CPNE4: variants seen among roughly 807,000 people sequenced by gnomAD.
The protein encoded by CPNE4 is copine 4.
Under a neutral mutation model 67.9 loss-of-function variants are expected in CPNE4, and 25 were observed. That is an observed-to-expected ratio of 0.37 (90% CI 0.27 to 0.51). The LOEUF (loss-of-function observed/expected upper bound fraction) is 0.51. Ranked by LOEUF, CPNE4 falls within the 20% of genes least tolerant of loss-of-function variation. CPNE4 has a pLI of 0.93. For synonymous variants in CPNE4, 242 were observed against 244.9 expected (o/e 0.99, Z 0.11); for missense variants, 464 against 690.8 (o/e 0.67, Z 3.68).
intron 2 of CPNE4, among the ~76,000 whole-genome samples, chr3:131,872,281 C>T (rs1241794879): frequency 6.6e-6 from 1 of 152,040 alleles, no homozygotes; most frequent in Non-Finnish European, 1.5e-5. Context: ...TGGAGACTGG[C>T]AGTTCACAAG....
chr3:132,033,142 C>T (rs894549538), intron 1 of CPNE4, among the ~76,000 whole-genome samples: 1 of 152,148 alleles, frequency 6.6e-6, no homozygotes, highest in African/African-American at 2.4e-5. Context: ...TGTGTGCGCG[C>T]GGGGGCGCGC....
intron 1 of CPNE4, among the ~76,000 whole-genome samples, chr3:131,923,704 CAAA>C (rs3041574): frequency 5.1e-5 from 2 of 39,286 alleles, no homozygotes; most frequent in East Asian, 1.1e-3. Context: ...GACTCCGTCT[CAAA>C]AAAAAAAAAA....
intron 1 of CPNE4, among the ~76,000 whole-genome samples, chr3:131,927,138 A>G (rs1326976374): frequency 6.6e-6 from 1 of 152,168 alleles, no homozygotes; most frequent in Non-Finnish European, 1.5e-5. Context: ...GCAAATAGTC[A>G]TCATCATTCC....
At chr3:131,780,395 C>G (rs1291371236) in intron 2 of CPNE4, among the ~76,000 whole-genome samples, 2 of 152,074 alleles carry the variant, frequency 1.3e-5, no homozygotes, top group Non-Finnish European at 2.9e-5. Context: ...CATTGTGGTA[C>G]TATTCACAAT....
At chr3:132,034,044 T>A (rs1052703143) in intron 1 of CPNE4, among the ~76,000 whole-genome samples, 2 of 152,156 alleles carry the variant, frequency 1.3e-5, no homozygotes, top group Admixed American at 6.5e-5. Context: ...AAGAGGCAAC[T>A]AAAATATTAT....
intron 2 of CPNE4, among the ~76,000 whole-genome samples, chr3:131,727,146 A>G (rs1177632724): frequency 2.0e-5 from 3 of 152,236 alleles, no homozygotes; most frequent in African/African-American, 7.2e-5. Flanking sequence ...TGAATGTCAG[A>G]GTGGGCACTT....
At chr3:131,803,545 G>C (rs965017817) in intron 2 of CPNE4, among the ~76,000 whole-genome samples, 1 of 152,192 alleles carries the variant, frequency 6.6e-6, no homozygotes, top group Non-Finnish European at 1.5e-5. Context: ...ACTCTCTCCT[G>C]AGTAAAGAAT....
intron 2 of CPNE4, among the ~76,000 whole-genome samples, chr3:131,811,160 A>AGG (rs751144766): frequency 2.0e-5 from 3 of 152,198 alleles, no homozygotes; most frequent in Admixed American, 2.0e-4. Context: ...GTACAATAAG[A>AGG]GGGTAGATCT....
chr3:131,886,338 T>C (rs1370353167), intron 2 of CPNE4, among the ~76,000 whole-genome samples: 1 of 152,204 alleles, frequency 6.6e-6, no homozygotes, highest in Non-Finnish European at 1.5e-5. Context: ...GAAATGAGGT[T>C]TGGGAACCTC....
intron 1 of CPNE4, among the ~76,000 whole-genome samples, chr3:131,949,320 G>T (rs1258235760): frequency 1.3e-5 from 2 of 152,138 alleles, no homozygotes; most frequent in Non-Finnish European, 2.9e-5. Flanking sequence ...CATTCATTGA[G>T]CATCAATTCA....
At chr3:131,700,053 CCT>C (rs1491524126) in intron 3 of CPNE4, 73 bp from the exon 4 acceptor site, 18 of 345,108 alleles carry the variant, frequency 5.2e-5, no homozygotes, top group South Asian at 7.2e-5. Context: ...ATTTTTTAAA[CCT>C]TTTTTTTTTT....
intron 1 of CPNE4, among the ~76,000 whole-genome samples, chr3:131,957,554 C>G (rs1004787554): frequency 2.6e-5 from 4 of 152,186 alleles, no homozygotes; most frequent in Non-Finnish European, 5.9e-5. Flanking sequence ...CTAATGCGAG[C>G]CTTTCACTGA....
rs923852381 is a variant in CPNE4, at chr3:131,744,100, C to T, written c.181-20475G>A. 3.3e-5 allele frequency among the ~76,000 whole-genome samples: 5 copies of T among 150,324 alleles called. No homozygotes were observed. The East Asian group carries it at 9.7e-4, about 29-fold the overall frequency. ...AATGTAAGAAAAATTTAAAAACTTG[C>T]AGATATATTTTTTAAAATAGCTAAA... On this transcript the variant is annotated intron_variant, in intron 2 of 15. Coordinates refer to ENST00000429747, the MANE Select transcript of CPNE4 (RefSeq NM_130808.3).
At chr3:131,824,367 A>G (rs2085074830) in intron 2 of CPNE4, among the ~76,000 whole-genome samples, 1 of 152,212 alleles carries the variant, frequency 6.6e-6, no homozygotes, top group Non-Finnish European at 1.5e-5. Context: ...ATCCATATCT[A>G]ACTATCCATG....
intron 1 of CPNE4, among the ~76,000 whole-genome samples, chr3:131,962,464 A>C (rs1268794294): frequency 6.6e-6 from 1 of 152,202 alleles, no homozygotes; most frequent in Admixed American, 6.5e-5. Flanking sequence ...CTCCAGAACA[A>C]AACAAAGACC....
At chr3:131,961,169 AAAG>A (rs2072160354) in intron 1 of CPNE4, among the ~76,000 whole-genome samples, 1 of 152,234 alleles carries the variant, frequency 6.6e-6, no homozygotes, top group South Asian at 2.1e-4. Context: ...AGAAAGTTAA[AAAG>A]AAGAAGAAAC....
intron 7 of CPNE4, among the ~76,000 whole-genome samples, chr3:131,619,043 G>C (rs1940321235): frequency 6.6e-6 from 1 of 152,152 alleles, no homozygotes; most frequent in Admixed American, 6.5e-5. Context: ...TAGAGTAGGA[G>C]GAAAATGACC....
intron 2 of CPNE4, among the ~76,000 whole-genome samples, chr3:131,817,165 T>C (rs68027764): frequency 0.19 from 28,288 of 151,978 alleles, 2,836 homozygotes; most frequent in East Asian, 0.33. Flanking sequence ...TCACAAGCAC[T>C]ATGGAAAAAA....
chr3:131,850,483 C>T (rs1024095572), intron 2 of CPNE4, among the ~76,000 whole-genome samples: 9 of 152,114 alleles, frequency 5.9e-5, no homozygotes, highest in Non-Finnish European at 4.4e-5. Flanking sequence ...GAACACCCAG[C>T]ATGGTGCCTG....
Sources: gnomAD v4.1 joint callset for allele counts (sites outside exome capture counted in the v4.1 genomes callset) on GRCh38, gnomAD v4.1.1 for gene constraint, MANE v1.5 for transcripts, NCBI Gene and HGNC (gene_info 2026-07-23, HGNC 2026-07-21) for gene names.